Variants in CRYBG1 observed in about 807,000 individuals in gnomAD.
CRYBG1 encodes the protein crystallin beta-gamma domain containing 1.
Under a neutral mutation model 189.2 loss-of-function variants are expected in CRYBG1, and 139 were observed. That is an observed-to-expected ratio of 0.73 (90% CI 0.64 to 0.85). CRYBG1 has a LOEUF of 0.85. Among genes scored for constraint, CRYBG1 ranks in the 40% least tolerant of loss-of-function variants. The pLI is 0.00. For missense variants in CRYBG1, 2,611 were observed against 2,675.8 expected (o/e 0.98, Z 0.53); for synonymous variants, 1,023 against 1,017.1 (o/e 1.01, Z -0.11).
At chr6:106,524,626 A>G (rs2114546962) in intron 4 of CRYBG1, among the ~76,000 whole-genome samples, 1 of 152,340 alleles carries the variant, frequency 6.6e-6, no homozygotes, top group African/African-American at 2.4e-5. Context: ...TACCATATAT[A>G]CCATAAACAC....
rs942820014 is a variant in CRYBG1, at chr6:106,500,289, A to G, written c.313-11141A>G. Among the ~76,000 whole-genome samples the G allele has an allele frequency of 2.0e-5, 3 of 152,276 alleles. No individual in the cohort carries two copies. In the East Asian group the frequency reaches 5.8e-4, roughly 29 times the overall value. ...TATATTCCCACCAACAGTGTATAAG[A>G]ATTCCCATTCTCCACATCCTCATCA... On this transcript the variant is annotated intron_variant, in intron 2 of 21. Coordinates refer to ENST00000633556, the MANE Select transcript of CRYBG1 (RefSeq NM_001371242.2).
chr6:106,512,898 A>C lies in CRYBG1; in HGVS notation c.1781A>C (p.His594Pro). The C allele has an allele frequency of 6.2e-7, 1 of 1,602,642 alleles. No individual in the cohort carries two copies. Among genetic ancestry groups the C allele is most frequent in the Non-Finnish European group, 8.5e-7 (1 of 1,174,924 alleles). Residue 594 changes from histidine to proline, a missense_variant, in exon 3 of 22, where the codon CAC becomes CCC. Coordinates refer to ENST00000633556, the MANE Select transcript of CRYBG1 (RefSeq NM_001371242.2). ...CACAAGAGGGGCCCGCTCCCCAACC[A>C]CTTCAACGGCCGGGCAGAGGGAGGT... ...PEHKRGPLPN[H>P]FNGRAEGGRS...
chr6:106,402,405 A>C (rs372727301), intron 1 of CRYBG1, among the ~76,000 whole-genome samples: 1 of 59,650 alleles, frequency 1.7e-5, no homozygotes, highest in Non-Finnish European at 3.3e-5. Flanking sequence ...CTATACTACA[A>C]GGCTACAGTA....
At chr6:106,486,586 T>A (rs1332207971) in intron 2 of CRYBG1, among the ~76,000 whole-genome samples, 1 of 152,198 alleles carries the variant, frequency 6.6e-6, no homozygotes, top group African/African-American at 2.4e-5. Context: ...TAATAATCTT[T>A]GCTTTATATA....
intron 2 of CRYBG1, among the ~76,000 whole-genome samples, chr6:106,484,224 C>T (rs1384012495): frequency 6.6e-6 from 1 of 152,096 alleles, no homozygotes; most frequent in Non-Finnish European, 1.5e-5. Flanking sequence ...ATGCCAATAC[C>T]ATGCTATTTT....
intron 21 of CRYBG1, among the ~76,000 whole-genome samples, chr6:106,564,217 C>T (rs1393816037): frequency 1.3e-5 from 2 of 152,134 alleles, no homozygotes; most frequent in Non-Finnish European, 2.9e-5. Context: ...AGGGGTTGGC[C>T]AGTTTGGCCA....
intron 4 of CRYBG1, among the ~76,000 whole-genome samples, chr6:106,522,403 A>C (rs970609545): frequency 6.6e-6 from 1 of 152,180 alleles, no homozygotes; most frequent in African/African-American, 2.4e-5. Flanking sequence ...TTTTCATTGG[A>C]TCTTTTCTTA....
chr6:106,461,555 G>C (rs554579394), intron 2 of CRYBG1, among the ~76,000 whole-genome samples: 1 of 152,292 alleles, frequency 6.6e-6, no homozygotes, highest in Non-Finnish European at 1.5e-5. Context: ...CTTCTTTTGA[G>C]TTGTTATAGG....
At chr6:106,471,869 A>G (rs1424382124) in intron 2 of CRYBG1, among the ~76,000 whole-genome samples, 3 of 152,188 alleles carry the variant, frequency 2.0e-5, no homozygotes, top group Non-Finnish European at 4.4e-5. Flanking sequence ...CAAAAAGGAA[A>G]AGATAGAATA....
intron 21 of CRYBG1, among the ~76,000 whole-genome samples, chr6:106,567,184 T>A (rs779629721): frequency 5.3e-5 from 8 of 152,240 alleles, no homozygotes; most frequent in African/African-American, 9.6e-5. Context: ...TAATGAAGAA[T>A]GAAAAGAGAC....
chr6:106,465,313 T>A (rs1772093025), intron 2 of CRYBG1, among the ~76,000 whole-genome samples: 2 of 152,220 alleles, frequency 1.3e-5, no homozygotes, highest in Non-Finnish European at 2.9e-5. Flanking sequence ...AGAGTTGCGA[T>A]TTCAGCTCTT....
intron 2 of CRYBG1, among the ~76,000 whole-genome samples, chr6:106,469,566 T>C (rs188421718): frequency 4.3e-4 from 65 of 152,324 alleles, no homozygotes; most frequent in Admixed American, 4.1e-3. Context: ...TAATACTTAG[T>C]AGGTATTCAG....
rs56299906 is a variant in CRYBG1, at chr6:106,504,048, AC to A, written c.313-7380del. 8.8e-3 allele frequency among the ~76,000 whole-genome samples: 662 copies of A among 75,048 alleles called. 12 individuals carry two copies. Among genetic ancestry groups the A allele is most frequent in the East Asian group, 0.024 (45 of 1,894 alleles). The allele number at this position is 75,048 out of a possible 152,430, so 49.2% of individuals were successfully genotyped here. ...GCATTAGAAAAAAAAAAAAAAAAAA[AC>A]CACAACCATTGAGGTGTAAGTAGAG... On this transcript the variant is annotated intron_variant, in intron 2 of 21. Transcript: ENST00000633556.
At chr6:106,516,578 A>G (rs907866612) in intron 3 of CRYBG1, among the ~76,000 whole-genome samples, 3 of 152,204 alleles carry the variant, frequency 2.0e-5, no homozygotes, top group African/African-American at 7.2e-5. Flanking sequence ...GAGAGGCAGT[A>G]TGGGATTTCA....
intron 2 of CRYBG1, among the ~76,000 whole-genome samples, chr6:106,489,053 G>A (rs183329546): frequency 4.5e-4 from 69 of 152,292 alleles, no homozygotes; most frequent in African/African-American, 1.6e-3. Context: ...GACTACTAGA[G>A]TCTGTGGCAG....
chr6:106,459,654 T>C (rs1771963197), intron 2 of CRYBG1, among the ~76,000 whole-genome samples: 1 of 152,014 alleles, frequency 6.6e-6, no homozygotes, highest in African/African-American at 2.4e-5. Flanking sequence ...TAGAATATGA[T>C]GGATGTACTA....
chr6:106,393,907 A>C (rs545720270), intron 1 of CRYBG1, among the ~76,000 whole-genome samples: 1 of 152,240 alleles, frequency 6.6e-6, no homozygotes, highest in Admixed American at 6.5e-5. Flanking sequence ...TCCTGACCTC[A>C]GGTGATCCGC....
At chr6:106,558,912 G>A (rs574922683) in intron 18 of CRYBG1, among the ~76,000 whole-genome samples, 6 of 152,164 alleles carry the variant, frequency 3.9e-5, no homozygotes, top group South Asian at 2.1e-4. Context: ...GCAGTGAGCC[G>A]TGTTCACGCC....
intron 1 of CRYBG1, among the ~76,000 whole-genome samples, chr6:106,433,871 T>G (rs902041965): frequency 2.0e-5 from 3 of 151,116 alleles, no homozygotes; most frequent in Non-Finnish European, 4.4e-5. Context: ...TCTATTGCCA[T>G]GTAACAAATT....
Sources: gnomAD v4.1 joint callset for allele counts (sites outside exome capture counted in the v4.1 genomes callset) on GRCh38, gnomAD v4.1.1 for gene constraint, MANE v1.5 for transcripts, NCBI Gene and HGNC (gene_info 2026-07-23, HGNC 2026-07-21) for gene names.